The following TMEM131L variants were observed in gnomAD, a reference collection of about 807,000 sequenced individuals.
The protein encoded by TMEM131L is transmembrane protein 131-like.
In TMEM131L, 54 loss-of-function variants were observed where a neutral mutation model predicts 192.2. That is an observed-to-expected ratio of 0.28 (90% CI 0.23 to 0.35). The LOEUF (loss-of-function observed/expected upper bound fraction) is 0.35. TMEM131L is among the 10% of genes least tolerant of loss of function. The pLI is 1.00. For missense variants in TMEM131L, 1,888 were observed against 1,972.9 expected (o/e 0.96, Z 0.82); for synonymous variants, 701 against 704.9 (o/e 0.99, Z 0.09).
At chr4:153,531,133 T>C (rs1735869531) in intron 3 of TMEM131L, among the ~76,000 whole-genome samples, 1 of 152,210 alleles carries the variant, frequency 6.6e-6, no homozygotes, top group Non-Finnish European at 1.5e-5. Flanking sequence ...CCCAAATGCA[T>C]GTACTCAGGT....
chr4:153,549,465 T>G (rs1561181994), intron 3 of TMEM131L, among the ~76,000 whole-genome samples: 1 of 152,256 alleles, frequency 6.6e-6, no homozygotes, highest in South Asian at 2.1e-4. Context: ...GTATCTTTAT[T>G]ATGGTTTTCT....
intron 4 of TMEM131L, among the ~76,000 whole-genome samples, chr4:153,551,006 A>G (rs766386935): frequency 6.6e-6 from 1 of 152,226 alleles, no homozygotes. Context: ...CGCTGTGGAG[A>G]TGAAAGCAAC....
chr4:153,636,227 G>C, intron 34 of TMEM131L, 74 bp from the exon 35 acceptor site: 1 of 1,302,926 alleles, frequency 7.7e-7, no homozygotes, highest in Non-Finnish European at 1.0e-6. Context: ...TGTAGTATTC[G>C]CTGATGTGTA....
Position 153,623,031 on chromosome 4 carries a change from C to T in TMEM131L, c.3993C>T (p.Ser1331=), listed in dbSNP as rs145577976. 1.9e-3 allele frequency: 3,134 copies of T among 1,613,688 alleles called. 7 individuals are homozygous for T. Among genetic ancestry groups the T allele is most frequent in the Non-Finnish European group, 2.4e-3 (2,886 of 1,179,910 alleles). Reference sequence around the variant, plus strand: ...GGGGGAGCTGGAGCAGCACCAGCAGCTCCGACGGGGATAAGAAGCCCATGG... The same window carrying T: ...GGGGGAGCTGGAGCAGCACCAGCAGTTCCGACGGGGATAAGAAGCCCATGG... ...GSWGSWSSTS[S]SDGDKKPMVD... The change falls in exon 29 of 35, where the codon AGC becomes AGT. Residue 1331 remains serine (S), a synonymous_variant. Coordinates refer to ENST00000409959, the MANE Select transcript of TMEM131L (RefSeq NM_001131007.2).
chr4:153,484,403 TGTTTTCTCCCAAA>T (rs374746322), intron 3 of TMEM131L, among the ~76,000 whole-genome samples: 157 of 152,284 alleles, frequency 1.0e-3, no homozygotes, highest in African/African-American at 3.6e-3. Flanking sequence ...TCTTTCTCAA[TGTTTTCTCCCAAA>T]GTTTTCTCCC....
At chr4:153,517,058 C>G (rs1047230589) in intron 3 of TMEM131L, among the ~76,000 whole-genome samples, 13 of 152,170 alleles carry the variant, frequency 8.5e-5, no homozygotes, top group Non-Finnish European at 1.5e-5. Context: ...AACTCCTGAC[C>G]TCATGATCCA....
chr4:153,500,100 T>C (rs1415490692), intron 3 of TMEM131L, among the ~76,000 whole-genome samples: 1 of 146,776 alleles, frequency 6.8e-6, no homozygotes, highest in African/African-American at 2.5e-5. Flanking sequence ...CCTCCCTCCC[T>C]TCTTTCTTTT....
intron 2 of TMEM131L, among the ~76,000 whole-genome samples, chr4:153,468,570 T>TA (rs1276040298): frequency 6.6e-6 from 1 of 152,212 alleles, no homozygotes; most frequent in African/African-American, 2.4e-5. Context: ...GTATTTATTT[T>TA]AAAAAAATTA....
intron 4 of TMEM131L, among the ~76,000 whole-genome samples, chr4:153,550,646 A>G (rs1013933433): frequency 6.6e-6 from 1 of 150,496 alleles, no homozygotes; most frequent in African/African-American, 2.5e-5. Flanking sequence ...TTTAATAAGT[A>G]TACCTTTTAA....
chr4:153,614,458 G>A (rs1055284888), intron 26 of TMEM131L, among the ~76,000 whole-genome samples: 2 of 152,266 alleles, frequency 1.3e-5, no homozygotes, highest in East Asian at 3.9e-4. Flanking sequence ...TTGGCCTGAC[G>A]ATTGCTGCTT....
chr4:153,605,776 A>AT (rs1273628490), intron 25 of TMEM131L, among the ~76,000 whole-genome samples: 6 of 152,244 alleles, frequency 3.9e-5, no homozygotes, highest in African/African-American at 1.2e-4. Flanking sequence ...GTACAGAAAT[A>AT]TTATGGATTG....
intron 3 of TMEM131L, among the ~76,000 whole-genome samples, chr4:153,487,603 G>A (rs1273053665): frequency 1.3e-5 from 2 of 152,100 alleles, no homozygotes; most frequent in African/African-American, 2.4e-5. Context: ...GAAAGTCTCA[G>A]TTGTTGGATG....
chr4:153,515,301 A>G (rs914063974), intron 3 of TMEM131L, among the ~76,000 whole-genome samples: 2 of 152,188 alleles, frequency 1.3e-5, no homozygotes, highest in Admixed American at 6.5e-5. Context: ...TTCTGTCTCT[A>G]TAAATTTGCC....
chr4:153,543,933 G>T (rs1736981151), intron 3 of TMEM131L, among the ~76,000 whole-genome samples: 1 of 151,572 alleles, frequency 6.6e-6, no homozygotes, highest in African/African-American at 2.4e-5. Context: ...GCACTTCAGA[G>T]TCTTGATACA....
chr4:153,481,038 G>A (rs914907044), intron 3 of TMEM131L, among the ~76,000 whole-genome samples: 2 of 152,206 alleles, frequency 1.3e-5, no homozygotes, highest in Non-Finnish European at 2.9e-5. Context: ...CCTTGGGGAC[G>A]AAGTGCAGGG....
At chr4:153,534,962 C>G (rs1736202975) in intron 3 of TMEM131L, among the ~76,000 whole-genome samples, 2 of 152,142 alleles carry the variant, frequency 1.3e-5, no homozygotes, top group Non-Finnish European at 2.9e-5. Context: ...AGCGTGAGGC[C>G]TTGGAAATGC....
chr4:153,508,885 C>T (rs940387894), intron 3 of TMEM131L, among the ~76,000 whole-genome samples: 2 of 151,910 alleles, frequency 1.3e-5, no homozygotes, highest in Non-Finnish European at 2.9e-5. Flanking sequence ...CTCAAGTGAT[C>T]TTCCCGCCTT....
chr4:153,541,871 G>C (rs17030112), intron 3 of TMEM131L, among the ~76,000 whole-genome samples: 11,475 of 152,310 alleles, frequency 0.075, 539 homozygotes, highest in Non-Finnish European at 0.11. Flanking sequence ...CAGTACTGCT[G>C]TGGTCCCCCA....
chr4:153,604,362 A>T lies in TMEM131L; in HGVS notation c.3350A>T (p.Asn1117Ile), dbSNP rs137968809. Residue 1117 changes from asparagine to isoleucine, a missense_variant, in exon 25 of 35, where the codon AAC becomes ATC. Asn to Ile is a moderately radical substitution (Grantham distance 149). Transcript: ENST00000409959. The part of the protein sequence containing the change: ...PLKTSKKLPE[N>I]HLPRNSPQYH... ...AAGACCTCCAAGAAACTACCTGAAA[A>T]CCATTTACCAAGAAACTCACCTCAG... 3.0e-3 allele frequency: 4,836 copies of T among 1,613,842 alleles called. 11 individuals are homozygous for T. Among genetic ancestry groups the T allele is most frequent in the Non-Finnish European group, 3.6e-3 (4,228 of 1,179,922 alleles).
Sources: allele counts gnomAD v4.1 joint callset (sites outside exome capture counted in the v4.1 genomes callset), GRCh38; gene constraint gnomAD v4.1.1; transcripts MANE v1.5; gene names NCBI Gene and HGNC (gene_info 2026-07-23, HGNC 2026-07-21).